NTM: variants seen among roughly 807,000 people sequenced by gnomAD.
The protein encoded by NTM is IgLON family member 2.
NTM carries 13 observed loss-of-function variants against 42.1 expected under a neutral mutation model. The ratio of observed to expected loss-of-function variants is 0.31; its 90% CI spans 0.20 to 0.49. NTM has a LOEUF of 0.49. NTM is among the 20% of genes least tolerant of loss of function. NTM has a pLI of 0.99. For synonymous variants in NTM, 187 were observed against 179.2 expected, an observed-to-expected ratio of 1.04 and a Z score of -0.35; for missense variants, 373 against 452.8, an observed-to-expected ratio of 0.82 and a Z score of 1.60.
intron 1 of NTM, among the ~76,000 whole-genome samples, chr11:131,611,873 T>A (rs1432402917): frequency 1.3e-5 from 2 of 152,142 alleles, no homozygotes; most frequent in African/African-American, 2.4e-5. Context: ...CTGAAGATGG[T>A]CAGAAGTAGA....
Position 132,212,489 on chromosome 11 carries a change from A to G in NTM, c.526+342A>G, listed in dbSNP as rs559962883. 2.2e-4 allele frequency among the ~76,000 whole-genome samples: 33 copies of G among 152,314 alleles called. No individual in the cohort carries two copies. The South Asian group carries it at 6.4e-3, about 30-fold the overall frequency. ...GCAATTGTTCAGCTGGTTGTTTTAA[A>G]ATAGAGAAAACACATAATGATGGGT... On this transcript the variant is annotated intron_variant, in intron 4 of 8. Coordinates refer to ENST00000683400, the MANE Select transcript of NTM (RefSeq NM_001352005.2).
intron 1 of NTM, among the ~76,000 whole-genome samples, chr11:131,629,657 A>G (rs1239488681): frequency 6.6e-6 from 1 of 152,212 alleles, no homozygotes; most frequent in Admixed American, 6.5e-5. Flanking sequence ...ATGCATGGCT[A>G]CATGCACACA....
At chr11:132,108,060 G>C (rs1407170433) in intron 2 of NTM, among the ~76,000 whole-genome samples, 1 of 152,012 alleles carries the variant, frequency 6.6e-6, no homozygotes, top group Non-Finnish European at 1.5e-5. Context: ...CTCAATAAAG[G>C]ACACCACCTT....
intron 1 of NTM, among the ~76,000 whole-genome samples, chr11:131,894,862 G>A (rs2052006742): frequency 1.3e-5 from 2 of 152,166 alleles, no homozygotes; most frequent in African/African-American, 4.8e-5. Context: ...TGTCAGCCTT[G>A]CTTCACACAA....
At chr11:131,402,144 C>G (rs1410417172) in intron 1 of NTM, among the ~76,000 whole-genome samples, 1 of 151,760 alleles carries the variant, frequency 6.6e-6, no homozygotes, top group Non-Finnish European at 1.5e-5. Flanking sequence ...TTTGGCTTCA[C>G]AGAGCCCTAA....
chr11:132,253,726 C>CA (rs1222584578), intron 4 of NTM, among the ~76,000 whole-genome samples: 2 of 152,182 alleles, frequency 1.3e-5, no homozygotes, highest in African/African-American at 4.8e-5. Context: ...TACTTATACC[C>CA]ATAGTGACTT....
At chr11:132,207,174 C>T (rs1201560574) in intron 3 of NTM, among the ~76,000 whole-genome samples, 1 of 152,170 alleles carries the variant, frequency 6.6e-6, no homozygotes, top group East Asian at 1.9e-4. Context: ...GGCCACACAG[C>T]AGGAGGTGAG....
At chr11:131,447,636 C>T (rs1188713910) in intron 1 of NTM, among the ~76,000 whole-genome samples, 1 of 152,140 alleles carries the variant, frequency 6.6e-6, no homozygotes, top group South Asian at 2.1e-4. Context: ...ACGCTGCATT[C>T]TGATTGCATC....
intron 6 of NTM, among the ~76,000 whole-genome samples, chr11:132,313,718 T>G (rs1326123664): frequency 1.3e-5 from 2 of 152,146 alleles, no homozygotes; most frequent in East Asian, 3.9e-4. Context: ...CCTTACCCTT[T>G]TATCTGCCTG....
chr11:131,466,973 A>G (rs903938999), intron 1 of NTM, among the ~76,000 whole-genome samples: 1 of 152,226 alleles, frequency 6.6e-6, no homozygotes, highest in Non-Finnish European at 1.5e-5. Flanking sequence ...GTGTGCACAC[A>G]TGTGCATACA....
intron 2 of NTM, among the ~76,000 whole-genome samples, chr11:132,140,385 A>G (rs2068845792): frequency 6.6e-6 from 1 of 152,136 alleles, no homozygotes. Context: ...CCTAGGCATG[A>G]TGAGCCCTCT....
chr11:131,378,625 C>T (rs965977192), intron 1 of NTM, among the ~76,000 whole-genome samples: 1 of 152,176 alleles, frequency 6.6e-6, no homozygotes, highest in African/African-American at 2.4e-5. Flanking sequence ...GGGAATAGAA[C>T]TGATAATGAC....
chr11:131,913,967 A>G (rs1346649667), intron 2 of NTM, among the ~76,000 whole-genome samples: 2 of 152,160 alleles, frequency 1.3e-5, no homozygotes, highest in Non-Finnish European at 2.9e-5. Flanking sequence ...AGCAACCAGT[A>G]TGGAGGATGC....
At chr11:132,294,115 T>A (rs931912929) in intron 4 of NTM, among the ~76,000 whole-genome samples, 9 of 152,164 alleles carry the variant, frequency 5.9e-5, no homozygotes, top group Non-Finnish European at 1.3e-4. Flanking sequence ...CCCGAAGGTG[T>A]CACTATGACT....
At chr11:131,563,666 G>A (rs893021883) in intron 1 of NTM, among the ~76,000 whole-genome samples, 2 of 147,180 alleles carry the variant, frequency 1.4e-5, no homozygotes, top group Non-Finnish European at 3.0e-5. Flanking sequence ...AATACCCTTG[G>A]ATTGATTTCA....
At chr11:132,285,745 C>A (rs10791221) in intron 4 of NTM, among the ~76,000 whole-genome samples, 1 of 151,994 alleles carries the variant, frequency 6.6e-6, no homozygotes, top group Admixed American at 6.6e-5. Flanking sequence ...GGTAGGACAT[C>A]AATCTTCCCC....
chr11:131,915,769 A>G (rs1478005916), intron 2 of NTM, among the ~76,000 whole-genome samples: 1 of 152,234 alleles, frequency 6.6e-6, no homozygotes, highest in Non-Finnish European at 1.5e-5. Context: ...AATGAAAGCC[A>G]AGAGAAAGGG....
chr11:131,928,571 C>T (rs1361276423), intron 2 of NTM, among the ~76,000 whole-genome samples: 3 of 151,166 alleles, frequency 2.0e-5, no homozygotes, highest in Non-Finnish European at 2.9e-5. Context: ...TATGGTCTCC[C>T]GTCTGTGTTT....
At chr11:131,677,077 T>C (rs2071557793) in intron 1 of NTM, among the ~76,000 whole-genome samples, 1 of 152,218 alleles carries the variant, frequency 6.6e-6, no homozygotes, top group South Asian at 2.1e-4. Context: ...TAGATCTGCC[T>C]CTGGCATCTA....
Sources: gnomAD v4.1 joint callset for allele counts (sites outside exome capture counted in the v4.1 genomes callset) on GRCh38, gnomAD v4.1.1 for gene constraint, MANE v1.5 for transcripts, NCBI Gene and HGNC (gene_info 2026-07-23, HGNC 2026-07-21) for gene names.